AMOTL1: variants seen among roughly 807,000 people sequenced by gnomAD.
AMOTL1 encodes the protein angiomotin like 1, also known as angiomotin-like protein 1.
In AMOTL1, 45 loss-of-function variants were observed where a neutral mutation model predicts 102.9. That is an observed-to-expected ratio of 0.44 (90% confidence interval 0.34 to 0.56). The LOEUF (loss-of-function observed/expected upper bound fraction) is 0.56, where lower values mean the gene tolerates loss of function less well. AMOTL1 is among the 20% of genes least tolerant of loss of function. The pLI is 0.01. For synonymous variants in AMOTL1, 481 were observed against 484.7 expected (o/e 0.99, Z 0.10); for missense variants, 1,114 against 1,225.6 (o/e 0.91, Z 1.36).
chr11:94,854,134 A>G, intron 8 of AMOTL1, 52 bp downstream of exon 8: 1 of 1,473,266 alleles, frequency 6.8e-7, no homozygotes, highest in Non-Finnish European at 9.0e-7. Context: ...TCACTCAGCA[A>G]ACGTATGGAT....
At chr11:94,812,273 C>G (rs949203478) in intron 3 of AMOTL1, among the ~76,000 whole-genome samples, 5 of 152,102 alleles carry the variant, frequency 3.3e-5, no homozygotes, top group Admixed American at 3.3e-4. Context: ...TAAGAATGCA[C>G]CCATGACACA....
intron 3 of AMOTL1, among the ~76,000 whole-genome samples, chr11:94,811,625 GA>G (rs1951684260): frequency 6.6e-6 from 1 of 151,794 alleles, no homozygotes; most frequent in East Asian, 1.9e-4. Context: ...CTTTCCCTTG[GA>G]TTTGATCAAG....
At chr11:94,768,343 G>C, upstream of AMOTL1, 8 of 1,376,284 alleles carry the variant, frequency 5.8e-6, no homozygotes, top group Non-Finnish European at 7.5e-6. Flanking sequence ...CGGGGAGCGC[G>C]GACGGCGGCG....
At chr11:94,825,863 C>T (rs1405579173) in intron 4 of AMOTL1, among the ~76,000 whole-genome samples, 2 of 152,156 alleles carry the variant, frequency 1.3e-5, no homozygotes, top group East Asian at 3.8e-4. Context: ...CTTAGTAATC[C>T]TTGTGTCATT....
intron 1 of AMOTL1, among the ~76,000 whole-genome samples, chr11:94,720,570 TC>T (rs1467833120): frequency 2.6e-5 from 4 of 152,066 alleles, no homozygotes; most frequent in Non-Finnish European, 1.5e-5. Context: ...CTAAAACCCC[TC>T]CCTGAAGAAA....
intron 1 of AMOTL1, among the ~76,000 whole-genome samples, chr11:94,723,834 C>T (rs1406068452): frequency 6.6e-6 from 1 of 151,950 alleles, no homozygotes; most frequent in Non-Finnish European, 1.5e-5. Context: ...ATTGTAGGTG[C>T]CACTGAAATT....
chr11:94,775,391 G>A (rs760899242), intron 1 of AMOTL1, among the ~76,000 whole-genome samples: 2 of 152,186 alleles, frequency 1.3e-5, no homozygotes, highest in South Asian at 4.1e-4. Context: ...TTGTAGTAAG[G>A]ACCAAAGGAG....
rs142458422 is a variant in AMOTL1, at chr11:94,756,880, C to A, written c.136+15892C>A. Among the ~76,000 whole-genome samples the A allele has an allele frequency of 5.8e-4, 89 of 152,228 alleles. 1 individual carries two copies. The highest frequency in any genetic ancestry group is 4.8e-3 in the Admixed American group (74 of 15,298). Reference sequence around the variant, plus strand: ...TGGCCAATACGTGGCATTGTGGGACCATTAGACCTCTTGATTTCAACTCCC... The same window carrying A: ...TGGCCAATACGTGGCATTGTGGGACAATTAGACCTCTTGATTTCAACTCCC... On this transcript the variant is annotated intron_variant, in intron 3 of 4. Coordinates refer to the AMOTL1 transcript ENST00000299004.
chr11:94,836,637 G>C (rs1952187441), intron 6 of AMOTL1, among the ~76,000 whole-genome samples: 1 of 152,102 alleles, frequency 6.6e-6, no homozygotes, highest in South Asian at 2.1e-4. Context: ...GTCATGTTGA[G>C]AGAAACCCCA....
chr11:94,726,921 T>C (rs536405659), intron 1 of AMOTL1, among the ~76,000 whole-genome samples: 2 of 152,274 alleles, frequency 1.3e-5, no homozygotes, highest in South Asian at 4.1e-4. Context: ...CAAGCTGAAG[T>C]GAAATTCAAG....
At chr11:94,835,456 T>G (rs145371766) in intron 6 of AMOTL1, among the ~76,000 whole-genome samples, 87 of 152,340 alleles carry the variant, frequency 5.7e-4, no homozygotes, top group African/African-American at 2.0e-3. Flanking sequence ...TAAAACTGTT[T>G]CTTTCGAAAA....
At chr11:94,800,362 A>G in intron 3 of AMOTL1, 51 bp downstream of exon 3, 2 of 1,490,932 alleles carry the variant, frequency 1.3e-6, no homozygotes. Context: ...TTCAATAGTC[A>G]TGTTATTAGC....
In AMOTL1 at chr11:94,821,638, A is replaced by G; in HGVS notation, c.1230A>G (p.Pro410=). ...TGCACTCTGTCTCCCTGCCGCTTCC[A>G]CTCCCGATGGCCCTGGGTGCTCCAC... ...GPLHSVSLPL[P]LPMALGAPQP... Residue 410 remains proline (P), a synonymous_variant, in exon 4 of 13, where the codon CCA becomes CCG. Transcript: ENST00000433060. 6.2e-7 allele frequency: 1 copy of G among 1,612,566 alleles called. No homozygotes were observed. The highest frequency in any genetic ancestry group is 8.5e-7 in the Non-Finnish European group (1 of 1,179,572).
At chr11:94,767,155 TAGAC>T (rs1206102808), upstream of AMOTL1, among the ~76,000 whole-genome samples, 2 of 152,202 alleles carry the variant, frequency 1.3e-5, no homozygotes, top group African/African-American at 2.4e-5. Flanking sequence ...CTTGTCTTCT[TAGAC>T]AGATAACAGA....
At chr11:94,839,446 T>C (rs1952251690) in intron 6 of AMOTL1, among the ~76,000 whole-genome samples, 1 of 152,198 alleles carries the variant, frequency 6.6e-6, no homozygotes, top group Non-Finnish European at 1.5e-5. Flanking sequence ...TTGTCCATGG[T>C]CATACAGGCT....
chr11:94,771,813 C>T (rs1950957159), intron 1 of AMOTL1, among the ~76,000 whole-genome samples: 1 of 152,112 alleles, frequency 6.6e-6, no homozygotes, highest in South Asian at 2.1e-4. Context: ...ACACATCAGG[C>T]ATTTTCCCCC....
At chr11:94,712,258 G>A (rs775196305) in intron 1 of AMOTL1, among the ~76,000 whole-genome samples, 5 of 151,864 alleles carry the variant, frequency 3.3e-5, no homozygotes, top group Admixed American at 6.6e-5. Context: ...GTCTATTTAT[G>A]CCTTTTGCCC....
Position 94,830,242 on chromosome 11 carries a change from G to A in AMOTL1, c.1558+48G>A, listed in dbSNP as rs184561501. ...TATCTAAACTACCTGTAGAGTTTTA[G>A]TGTAGCTAAAAGCACGACTTCAAGG... is the stretch of plus-strand genomic sequence containing the variant. On this transcript the variant is annotated intron_variant, in intron 5 of 12. Coordinates refer to ENST00000433060, the MANE Select transcript of AMOTL1 (RefSeq NM_130847.3). 4.0e-5 allele frequency: 61 copies of A among 1,523,470 alleles called. No individual in the cohort carries two copies. The Admixed American group carries it at 8.6e-4, about 22-fold the overall frequency. 94.4% of individuals were successfully genotyped at this position (1,523,470 alleles called of 1,614,324 possible). A position where few individuals can be genotyped will look rare whatever the true frequency, so the allele number is the denominator to read the frequency against.
chr11:94,764,947 A>G (rs1259203839), upstream of AMOTL1, among the ~76,000 whole-genome samples: 1 of 152,208 alleles, frequency 6.6e-6, no homozygotes, highest in Non-Finnish European at 1.5e-5. Flanking sequence ...CTAGAAATAG[A>G]TAGAACATGG....
Sources: allele counts gnomAD v4.1 joint callset (sites outside exome capture counted in the v4.1 genomes callset), GRCh38; gene constraint gnomAD v4.1.1; transcripts MANE v1.5; gene names NCBI Gene and HGNC (gene_info 2026-07-23, HGNC 2026-07-21).